ZFPM2: variants seen among roughly 807,000 people sequenced by gnomAD.
ZFPM2 encodes the protein zinc finger protein ZFPM2.
In ZFPM2, 20 loss-of-function variants were observed where a neutral mutation model predicts 98.6. The observed-to-expected ratio is 0.20, with a 90% CI of 0.14 to 0.29. ZFPM2 has a LOEUF of 0.29. Ranked by LOEUF, ZFPM2 falls within the 10% of genes least tolerant of loss-of-function variation. The probability of loss-of-function intolerance (pLI) is 1.00; values close to 1 mark genes in which losing one functional copy is unlikely to be tolerated. For synonymous variants in ZFPM2, 518 were observed against 502.7 expected (o/e 1.03, Z -0.41); for missense variants, 1,310 against 1,388.6 (o/e 0.94, Z 0.90).
intron 5 of ZFPM2, among the ~76,000 whole-genome samples, chr8:105,661,380 T>G (rs1263143849): frequency 6.6e-6 from 1 of 152,190 alleles, no homozygotes; most frequent in African/African-American, 2.4e-5. Context: ...GACTAATATA[T>G]TCATTGGGCT....
chr8:105,594,301 T>C (rs1815916359), intron 4 of ZFPM2, among the ~76,000 whole-genome samples: 2 of 152,110 alleles, frequency 1.3e-5, no homozygotes, highest in African/African-American at 4.8e-5. Context: ...TTCTAGAAGA[T>C]TCCTTATGCC....
rs1810849878 is a variant in ZFPM2 at position 105,380,721 on chromosome 8, T to C, written c.41-38423T>C. On this transcript the variant is annotated intron_variant, in intron 1 of 7. Transcript: ENST00000407775. ...ACATATATAATATATATATATATTA[T>C]ATATAACATATATATTATATATATA... Among the ~76,000 whole-genome samples, 2 of 40,110 alleles carry C rather than the reference T, an allele frequency of 5.0e-5. 1 individual carries two copies. Among genetic ancestry groups the C allele is most frequent in the African/African-American group, 3.5e-4 (2 of 5,640 alleles). 26.3% of individuals were successfully genotyped at this position (40,110 alleles called of 152,430 possible).
intron 1 of ZFPM2, among the ~76,000 whole-genome samples, chr8:105,417,372 C>T (rs996419541): frequency 1.3e-5 from 2 of 151,994 alleles, no homozygotes; most frequent in Non-Finnish European, 2.9e-5. Flanking sequence ...CCATGTAACA[C>T]AACTGCACTT....
intron 5 of ZFPM2, among the ~76,000 whole-genome samples, chr8:105,708,208 A>G (rs1251043788): frequency 1.3e-5 from 2 of 152,190 alleles, no homozygotes; most frequent in African/African-American, 4.8e-5. Context: ...ATCGACCTCC[A>G]TATTCTTATA....
At chr8:105,376,150 C>T (rs1171133727) in intron 1 of ZFPM2, among the ~76,000 whole-genome samples, 2 of 152,142 alleles carry the variant, frequency 1.3e-5, no homozygotes, top group Non-Finnish European at 2.9e-5. Context: ...CAAATCCAAT[C>T]TTCACCTCTC....
chr8:105,366,685 A>G (rs1350001672), intron 1 of ZFPM2, among the ~76,000 whole-genome samples: 3 of 86,516 alleles, frequency 3.5e-5, no homozygotes, highest in African/African-American at 9.5e-5. Context: ...CCACCCCACC[A>G]TAGTCCCCAG....
chr8:105,507,137 A>G (rs555896206), intron 3 of ZFPM2, among the ~76,000 whole-genome samples: 2 of 152,328 alleles, frequency 1.3e-5, no homozygotes, highest in South Asian at 4.1e-4. Context: ...TGTTATTAAT[A>G]AGATGATTTG....
chr8:105,594,821 G>C (rs775219236), intron 4 of ZFPM2, among the ~76,000 whole-genome samples: 10 of 151,912 alleles, frequency 6.6e-5, no homozygotes, highest in Non-Finnish European at 1.0e-4. Flanking sequence ...CTTAATTCTT[G>C]CCATGAGCCA....
intron 4 of ZFPM2, among the ~76,000 whole-genome samples, chr8:105,605,026 T>C (rs548517552): frequency 5.3e-5 from 8 of 152,260 alleles, no homozygotes; most frequent in African/African-American, 1.9e-4. Flanking sequence ...CAGAGTTCAA[T>C]AAATCTTAAT....
intron 5 of ZFPM2, among the ~76,000 whole-genome samples, chr8:105,650,160 G>A (rs537258300): frequency 6.6e-6 from 1 of 152,156 alleles, no homozygotes; most frequent in African/African-American, 2.4e-5. Context: ...TAGTTTGTTT[G>A]CATAGAGGTG....
At chr8:105,432,039 C>G (rs112697762) in intron 2 of ZFPM2, among the ~76,000 whole-genome samples, 280 of 152,102 alleles carry the variant, frequency 1.8e-3, no homozygotes, top group African/African-American at 6.3e-3. Flanking sequence ...CGACACCAGC[C>G]TGGTGAGCAT....
intron 5 of ZFPM2, among the ~76,000 whole-genome samples, chr8:105,645,208 A>G (rs1414616432): frequency 6.6e-6 from 1 of 152,204 alleles, no homozygotes; most frequent in Non-Finnish European, 1.5e-5. Flanking sequence ...ATAGTCTTAC[A>G]ATATTCTTCT....
chr8:105,723,660 C>A (rs1811727505), intron 5 of ZFPM2, among the ~76,000 whole-genome samples: 1 of 151,750 alleles, frequency 6.6e-6, no homozygotes, highest in African/African-American at 2.4e-5. Flanking sequence ...AAGAGACTGG[C>A]AGCTAATGTT....
chr8:105,638,326 G>T (rs1455754318), intron 5 of ZFPM2, among the ~76,000 whole-genome samples: 2 of 152,036 alleles, frequency 1.3e-5, no homozygotes, highest in Non-Finnish European at 2.9e-5. Flanking sequence ...ATGGAGGAGA[G>T]GTAGTTCCCT....
chr8:105,420,965 A>G (rs1465241536), intron 2 of ZFPM2, among the ~76,000 whole-genome samples: 2 of 152,120 alleles, frequency 1.3e-5, no homozygotes, highest in African/African-American at 4.8e-5. Flanking sequence ...TCTCTGGTTA[A>G]GGGCTATGTT....
intron 6 of ZFPM2, among the ~76,000 whole-genome samples, chr8:105,797,584 C>G (rs899396875): frequency 6.6e-6 from 1 of 152,172 alleles, no homozygotes; most frequent in Non-Finnish European, 1.5e-5. Flanking sequence ...CTCCTACAGC[C>G]TCTTCTCTCC....
chr8:105,688,280 A>G (rs1323302893), intron 5 of ZFPM2, among the ~76,000 whole-genome samples: 1 of 152,150 alleles, frequency 6.6e-6, no homozygotes, highest in Non-Finnish European at 1.5e-5. Flanking sequence ...GGATTTTACT[A>G]ACAAATTTAC....
chr8:105,779,480 C>A (rs1298340288), intron 5 of ZFPM2, among the ~76,000 whole-genome samples: 1 of 152,086 alleles, frequency 6.6e-6, no homozygotes, highest in Non-Finnish European at 1.5e-5. Flanking sequence ...TAATTATTAA[C>A]CTGATTTTTA....
intron 5 of ZFPM2, chr8:105,685,019 A>C (rs545147161): frequency 6.6e-6 from 1 of 152,134 alleles, no homozygotes; most frequent in Non-Finnish European, 1.5e-5. Flanking sequence ...AGATAGGAAA[A>C]GTAATTCCAG....
Sources: gnomAD v4.1 joint callset for allele counts (sites outside exome capture counted in the v4.1 genomes callset) on GRCh38, gnomAD v4.1.1 for gene constraint, MANE v1.5 for transcripts, NCBI Gene and HGNC (gene_info 2026-07-23, HGNC 2026-07-21) for gene names.